The following CLTA variants were observed in gnomAD, a reference collection of about 807,000 sequenced individuals.
CLTA encodes the protein clathrin, light polypeptide (Lca).
CLTA carries 9 observed loss-of-function variants against 26.9 expected under a neutral mutation model. That is an observed-to-expected ratio of 0.33 (90% CI 0.20 to 0.58). The LOEUF is 0.58. Ranked by LOEUF, CLTA falls within the 20% of genes least tolerant of loss-of-function variation. The pLI is 0.85. For missense variants in CLTA, 278 were observed against 294.2 expected (o/e 0.94, Z 0.40); for synonymous variants, 120 against 115.5 (o/e 1.04, Z -0.25).
In CLTA at chr9:36,201,902, A is replaced by G. The variant is rs575895338; in HGVS notation, c.374-2166A>G. On this transcript the variant is annotated intron_variant, in intron 3 of 4. Coordinates refer to ENST00000345519, the MANE Select transcript of CLTA (RefSeq NM_001833.4). ...TGAGGTGGGAGGATCACTTGAGCTC[A>G]GGAGTTCAAGACCAGCCTGGGCACC... Among the ~76,000 whole-genome samples, 3 of 151,858 alleles carry G rather than the reference A, an allele frequency of 2.0e-5. No individual in the cohort carries two copies. In the South Asian group the frequency reaches 6.2e-4, roughly 32 times the overall value.
chr9:36,199,247 G>A, intron 3 of CLTA, 151 bp downstream of exon 3: 1 of 663,930 alleles, frequency 1.5e-6, no homozygotes, highest in Middle Eastern at 2.6e-4. Flanking sequence ...AAGGCTACCT[G>A]CACAGAGATG....
intron 1 of CLTA, among the ~76,000 whole-genome samples, chr9:36,192,869 G>A (rs1032302001): frequency 6.6e-6 from 1 of 152,182 alleles, no homozygotes; most frequent in African/African-American, 2.4e-5. Flanking sequence ...GAACAGATTT[G>A]GGAGAAGCAG....
chr9:36,208,519 C>G (rs1305957200), intron 4 of CLTA, among the ~76,000 whole-genome samples: 1 of 152,212 alleles, frequency 6.6e-6, no homozygotes, highest in Non-Finnish European at 1.5e-5. Flanking sequence ...GTCCAGTGTT[C>G]TTCCCACCAG....
chr9:36,191,766 CAG>C (rs1826738390), intron 1 of CLTA, among the ~76,000 whole-genome samples: 1 of 152,164 alleles, frequency 6.6e-6, no homozygotes, highest in South Asian at 2.1e-4. Context: ...TTAAGGTGTA[CAG>C]AGTGTTGGAT....
Position 36,191,265 on chromosome 9 carries a change from G to C in CLTA, c.209G>C (p.Gly70Ala), listed in dbSNP as rs1826697218. The change falls in exon 1 of 5, where the codon GGG becomes GCG. Residue 70 changes from glycine to alanine, a missense_variant. Gly to Ala is a moderately conservative substitution (Grantham distance 60, BLOSUM62 0). Coordinates refer to ENST00000345519, the MANE Select transcript of CLTA (RefSeq NM_001833.4). ...PGPQPHGEPP[G>A]GPDAVDGVMN... ...CCCCAGCCGCACGGCGAGCCGCCGG[G>C]GGGTCCGGGTGAGAGTGCGGGCGCG... 1 of 1,525,716 alleles carries C rather than the reference G, an allele frequency of 6.6e-7. No individual in the cohort carries two copies. The highest frequency in any genetic ancestry group is 8.8e-7 in the Non-Finnish European group (1 of 1,141,500). The allele number at this position is 1,525,716 out of a possible 1,614,324, so 94.5% of individuals were successfully genotyped here. A position where few individuals can be genotyped will look rare whatever the true frequency, so the allele number is the denominator to read the frequency against.
intron 4 of CLTA, 43 bp downstream of exon 4, chr9:36,204,222 G>T (rs374610795): frequency 3.2e-6 from 5 of 1,574,970 alleles, no homozygotes; most frequent in African/African-American, 1.4e-5. Flanking sequence ...TTCCAAAATT[G>T]AATCAAATCC....
At chr9:36,191,533 A>C (rs1375315506) in intron 1 of CLTA, among the ~76,000 whole-genome samples, 1 of 152,232 alleles carries the variant, frequency 6.6e-6, no homozygotes, top group East Asian at 1.9e-4. Flanking sequence ...GAGCCGGAAG[A>C]AGCCCGTTCA....
intron 1 of CLTA, among the ~76,000 whole-genome samples, chr9:36,192,013 T>G (rs564618729): frequency 6.6e-6 from 1 of 152,164 alleles, no homozygotes; most frequent in Non-Finnish European, 1.5e-5. Context: ...TCAGCCAAAC[T>G]CAAGTAAAAA....
chr9:36,199,368 T>C (rs1433259715), intron 3 of CLTA, among the ~76,000 whole-genome samples: 1 of 152,026 alleles, frequency 6.6e-6, no homozygotes, highest in Non-Finnish European at 1.5e-5. Flanking sequence ...CCTCAGGTGG[T>C]GTTTATAGAG....
At position 36,206,610 on chromosome 9, in the gene CLTA, G is replaced by T. The variant is rs1587242291; in HGVS notation, c.485+2431G>T. Among the ~76,000 whole-genome samples the T allele has an allele frequency of 3.9e-5, 6 of 151,992 alleles. No individual in the cohort carries two copies. In the South Asian group the frequency reaches 1.2e-3, roughly 32 times the overall value. ...GTGAATATTTTTAGAAAAGAAAATG[G>T]GGGCCGGACACCGTGACTCAACATC... is the stretch of plus-strand genomic sequence containing the variant. On this transcript the variant is annotated intron_variant, in intron 4 of 4. Transcript: ENST00000345519.
intron 1 of CLTA, among the ~76,000 whole-genome samples, chr9:36,196,465 G>C (rs1394725860): frequency 6.6e-6 from 1 of 150,740 alleles, no homozygotes; most frequent in East Asian, 2.0e-4. Context: ...TCCTCTTTCA[G>C]CCTCCTGAGT....
intron 1 of CLTA, among the ~76,000 whole-genome samples, chr9:36,194,146 C>G (rs994633640): frequency 4.6e-5 from 7 of 152,202 alleles, no homozygotes; most frequent in African/African-American, 1.7e-4. Context: ...CTGCCTCAGC[C>G]TCCCGAGTAG....
At chr9:36,192,828 AACAG>A (rs1381117342) in intron 1 of CLTA, among the ~76,000 whole-genome samples, 5 of 152,336 alleles carry the variant, frequency 3.3e-5, no homozygotes, top group African/African-American at 4.8e-5. Context: ...GTAGTGCGAT[AACAG>A]ACAGGCAGCT....
chr9:36,198,415 G>A (rs1417389912), intron 2 of CLTA, among the ~76,000 whole-genome samples: 1 of 151,198 alleles, frequency 6.6e-6, no homozygotes, highest in Non-Finnish European at 1.5e-5. Context: ...GGTGGCTCAC[G>A]CCTGTAATTC....
At chr9:36,207,824 C>G (rs1057240515) in intron 4 of CLTA, among the ~76,000 whole-genome samples, 2 of 152,148 alleles carry the variant, frequency 1.3e-5, no homozygotes, top group Non-Finnish European at 2.9e-5. Flanking sequence ...GAGGGAAACC[C>G]AAGTTGAAAT....
Position 36,204,156 on chromosome 9 carries a change from A to G in CLTA, c.462A>G (p.Leu154=), listed in dbSNP as rs1827584215. Reference sequence around the variant, plus strand: ...GGTATGCAAGACAGGACGAGCAGCTACAGAAAACAAAAGCAAACAACAGGT... The same window carrying G: ...GGTATGCAAGACAGGACGAGCAGCTGCAGAAAACAAAAGCAAACAACAGGT... ...EEWYARQDEQ[L]QKTKANNRAA... Residue 154 remains leucine, a synonymous_variant, in exon 4 of 5, where the codon CTA becomes CTG. Coordinates refer to ENST00000345519, the MANE Select transcript of CLTA (RefSeq NM_001833.4). 6.2e-7 allele frequency: 1 copy of G among 1,614,070 alleles called. No homozygotes were observed. Among genetic ancestry groups the G allele is most frequent in the Non-Finnish European group, 8.5e-7 (1 of 1,179,944 alleles).
intron 1 of CLTA, among the ~76,000 whole-genome samples, chr9:36,194,969 A>G (rs1175384539): frequency 6.6e-6 from 1 of 152,186 alleles, no homozygotes; most frequent in Non-Finnish European, 1.5e-5. Flanking sequence ...TGGGATGAGG[A>G]TTGCTTCTTG....
chr9:36,205,745 A>G (rs1365548066), intron 4 of CLTA, among the ~76,000 whole-genome samples: 1 of 146,592 alleles, frequency 6.8e-6, no homozygotes, highest in East Asian at 2.0e-4. Flanking sequence ...CAGAGGGAGT[A>G]ATGACACCTG....
intron 4 of CLTA, among the ~76,000 whole-genome samples, chr9:36,207,539 C>T (rs1001623297): frequency 6.6e-6 from 1 of 152,170 alleles, no homozygotes; most frequent in Non-Finnish European, 1.5e-5. Context: ...GTCAGGTATT[C>T]CTCTTCCCTC....
Sources: gnomAD v4.1 joint callset for allele counts (sites outside exome capture counted in the v4.1 genomes callset) on GRCh38, gnomAD v4.1.1 for gene constraint, MANE v1.5 for transcripts, NCBI Gene and HGNC (gene_info 2026-07-23, HGNC 2026-07-21) for gene names.